Variants in CTNNA2 observed in about 807,000 individuals in gnomAD.
The protein encoded by CTNNA2 is catenin alpha 2, also known as catenin alpha-2.
Under a neutral mutation model 101.0 loss-of-function variants are expected in CTNNA2, and 42 were observed. The observed-to-expected ratio is 0.42, with a 90% confidence interval of 0.32 to 0.54. The LOEUF (loss-of-function observed/expected upper bound fraction) is 0.54. Among genes scored for constraint, CTNNA2 ranks in the 20% least tolerant of loss-of-function variants. The probability of loss-of-function intolerance (pLI) is 0.14; values close to 1 mark genes in which losing one functional copy is unlikely to be tolerated. For missense variants in CTNNA2, 871 were observed against 1,223.1 expected, an observed-to-expected ratio of 0.71 and a Z score of 4.29; for synonymous variants, 450 against 456.4, an observed-to-expected ratio of 0.99 and a Z score of 0.18.
At chr2:80,280,705 A>G (rs1044546995) in intron 7 of CTNNA2, among the ~76,000 whole-genome samples, 6 of 152,124 alleles carry the variant, frequency 3.9e-5, no homozygotes, top group Non-Finnish European at 8.8e-5. Context: ...TAAACAACGC[A>G]TAAGTTTTAA....
rs564682925 is a variant in CTNNA2 at position 79,222,614 on chromosome 2, C to T, written c.-406+24538C>T. On this transcript the variant is annotated intron_variant, in intron 2 of 21. Coordinates refer to the CTNNA2 transcript ENST00000466387. Reference sequence around the variant, plus strand: ...ATACCTCTAGTTGGAACATTCACATCAGTTTCAAGGGTAACTTTCTCCCTC... The same window carrying T: ...ATACCTCTAGTTGGAACATTCACATTAGTTTCAAGGGTAACTTTCTCCCTC... Among the ~76,000 whole-genome samples the T allele has an allele frequency of 3.3e-5, 5 of 152,290 alleles. No individual in the cohort carries two copies. The South Asian group carries it at 8.3e-4, about 25-fold the overall frequency.
chr2:79,378,863 A>C (rs1678008570), intron 4 of CTNNA2, among the ~76,000 whole-genome samples: 1 of 152,126 alleles, frequency 6.6e-6, no homozygotes, highest in South Asian at 2.1e-4. Context: ...TGTCTCAATC[A>C]AAACTCTGAG....
intron 7 of CTNNA2, among the ~76,000 whole-genome samples, chr2:80,049,816 T>C (rs989098563): frequency 6.6e-6 from 1 of 152,186 alleles, no homozygotes; most frequent in Admixed American, 6.5e-5. Flanking sequence ...ATGAAATTGC[T>C]CTTTTTGAAT....
intron 7 of CTNNA2, among the ~76,000 whole-genome samples, chr2:80,338,917 A>G (rs1399317865): frequency 6.6e-6 from 1 of 152,182 alleles, no homozygotes. Context: ...ATGAAACAGC[A>G]CATTAAGTTG....
chr2:79,279,870 A>G (rs1016677878), intron 2 of CTNNA2, among the ~76,000 whole-genome samples: 10 of 152,054 alleles, frequency 6.6e-5, no homozygotes, highest in African/African-American at 2.4e-4. Flanking sequence ...CTGTTAGCCC[A>G]TCTCCCCAGA....
intron 7 of CTNNA2, among the ~76,000 whole-genome samples, chr2:80,216,430 T>C (rs1317974933): frequency 6.6e-6 from 1 of 152,252 alleles, no homozygotes; most frequent in Non-Finnish European, 1.5e-5. Flanking sequence ...TAATAATGTA[T>C]ATTGAATGTT....
chr2:79,465,964 T>TA (rs1355988306), intron 4 of CTNNA2, among the ~76,000 whole-genome samples: 1 of 152,150 alleles, frequency 6.6e-6, no homozygotes, highest in Non-Finnish European at 1.5e-5. Flanking sequence ...ATGAGTGACG[T>TA]AAAAAACAGG....
intron 7 of CTNNA2, among the ~76,000 whole-genome samples, chr2:80,377,314 A>G (rs1573888420): frequency 6.6e-6 from 1 of 152,248 alleles, no homozygotes; most frequent in Non-Finnish European, 1.5e-5. Flanking sequence ...GAAGCTTACT[A>G]TCACAAGAGG....
At chr2:79,397,550 G>C (rs1032414957) in intron 4 of CTNNA2, among the ~76,000 whole-genome samples, 2 of 152,122 alleles carry the variant, frequency 1.3e-5, no homozygotes, top group African/African-American at 4.8e-5. Context: ...CATTCCTCAA[G>C]ATTCATTCTT....
chr2:79,302,625 G>A (rs55941875), intron 2 of CTNNA2, among the ~76,000 whole-genome samples: 10,260 of 152,132 alleles, frequency 0.067, 457 homozygotes, highest in East Asian at 0.13. Context: ...AATTCCTTAA[G>A]ACAGGACTGT....
At chr2:80,638,457 G>T (rs180706707) in intron 18 of CTNNA2, among the ~76,000 whole-genome samples, 14 of 152,258 alleles carry the variant, frequency 9.2e-5, no homozygotes, top group African/African-American at 3.4e-4. Flanking sequence ...ATAAGCGAGG[G>T]TGCTGAAAGG....
At chr2:80,236,403 G>C (rs13420354) in intron 7 of CTNNA2, among the ~76,000 whole-genome samples, 1 of 152,224 alleles carries the variant, frequency 6.6e-6, no homozygotes, top group African/African-American at 2.4e-5. Flanking sequence ...GAGAGTTGAC[G>C]TTATTGGTCA....
At chr2:80,349,322 A>G (rs1203839733) in intron 7 of CTNNA2, among the ~76,000 whole-genome samples, 3 of 152,222 alleles carry the variant, frequency 2.0e-5, no homozygotes, top group African/African-American at 7.2e-5. Context: ...TCTCCATAGC[A>G]TCACACTGAG....
At chr2:80,424,635 C>T (rs553892645) in intron 9 of CTNNA2, among the ~76,000 whole-genome samples, 1 of 152,314 alleles carries the variant, frequency 6.6e-6, no homozygotes, top group African/African-American at 2.4e-5. Context: ...TGTAGCACTT[C>T]TAAAGTTTAG....
At chr2:80,229,517 A>C (rs1225088598) in intron 7 of CTNNA2, among the ~76,000 whole-genome samples, 1 of 151,718 alleles carries the variant, frequency 6.6e-6, no homozygotes, top group Non-Finnish European at 1.5e-5. Context: ...CCAAGGCAAG[A>C]TATGAGGGAT....
At chr2:79,946,488 A>C (rs757464325) in intron 7 of CTNNA2, among the ~76,000 whole-genome samples, 3 of 152,212 alleles carry the variant, frequency 2.0e-5, no homozygotes, top group Non-Finnish European at 4.4e-5. Context: ...TATTTTTCTT[A>C]AGGTTGAATA....
At chr2:80,572,990 C>A (rs575666644) in intron 12 of CTNNA2, 2 of 152,114 alleles carry the variant, frequency 1.3e-5, no homozygotes, top group South Asian at 2.1e-4. Context: ...AATACTCTGA[C>A]CCTACAGAGT....
intron 1 of CTNNA2, among the ~76,000 whole-genome samples, chr2:79,643,880 C>T (rs921441594): frequency 6.6e-6 from 1 of 152,118 alleles, no homozygotes; most frequent in African/African-American, 2.4e-5. Context: ...CATTCTTTTC[C>T]ATGCTTTTTA....
chr2:79,204,346 C>T (rs1340082017), intron 2 of CTNNA2, among the ~76,000 whole-genome samples: 1 of 152,174 alleles, frequency 6.6e-6, no homozygotes, highest in East Asian at 1.9e-4. Context: ...CTTTCCTGTC[C>T]CTCTTTGCAG....
Sources: gnomAD v4.1 joint callset for allele counts (sites outside exome capture counted in the v4.1 genomes callset) on GRCh38, gnomAD v4.1.1 for gene constraint, MANE v1.5 for transcripts, NCBI Gene and HGNC (gene_info 2026-07-23, HGNC 2026-07-21) for gene names.